SYNE1: variants seen among roughly 807,000 people sequenced by gnomAD.
SYNE1 encodes nesprin-1.
A neutral mutation model predicts 1,111.0 loss-of-function variants in SYNE1; 616 were observed. The observed-to-expected ratio is 0.55, with a 90% CI of 0.52 to 0.59. The LOEUF is 0.59. Among genes scored for constraint, SYNE1 ranks in the 20% least tolerant of loss-of-function variants. The probability of loss-of-function intolerance (pLI) is 0.00; values close to 1 mark genes in which losing one functional copy is unlikely to be tolerated. For missense variants in SYNE1, 10,006 were observed against 10,417.0 expected (o/e 0.96, Z 1.72); for synonymous variants, 3,855 against 3,825.8 (o/e 1.01, Z -0.28).
At chr6:152,472,218 T>A (rs2098810086) in intron 15 of SYNE1, 83 bp downstream of exon 15, 1 of 1,257,372 alleles carries the variant, frequency 8.0e-7, no homozygotes, top group African/African-American at 1.5e-5. Flanking sequence ...TAAAAAAAAA[T>A]CATGAAAAAA....
chr6:152,249,178 C>T lies in SYNE1; in HGVS notation c.19555G>A (p.Val6519Ile), dbSNP rs563568189. 38 of 1,612,524 alleles carry T rather than the reference C, an allele frequency of 2.4e-5. 1 individual carries two copies. Among genetic ancestry groups the T allele is most frequent in the Middle Eastern group, 1.7e-4 (1 of 6,060 alleles). ...QKLANVFEQPVAEQIEAIQQA... is the reference protein window; with the variant it reads ...QKLANVFEQPIAEQIEAIQQA... ...ATAAATACCTCTATTTGTTCTGCTA[C>T]GGGCTGTTCAAACACATTTGCCAGT... Residue 6519 changes from valine (V) to isoleucine (I), a missense_variant, in exon 105 of 146, where the codon GTA (valine) becomes ATA (isoleucine). Coordinates refer to ENST00000367255, the MANE Select transcript of SYNE1 (RefSeq NM_182961.4).
chr6:152,547,399 C>T (rs774461405), intron 3 of SYNE1, among the ~76,000 whole-genome samples: 30 of 152,304 alleles, frequency 2.0e-4, no homozygotes, highest in East Asian at 3.9e-4. Flanking sequence ...GAGAAAGAGC[C>T]GTACATATTT....
At chr6:152,262,822 G>C (rs1308018978) in intron 100 of SYNE1, among the ~76,000 whole-genome samples, 1 of 149,188 alleles carries the variant, frequency 6.7e-6, no homozygotes, top group African/African-American at 2.5e-5. Flanking sequence ...GGAGAGATAG[G>C]ACAGGACCTG....
rs538909693 is a variant in SYNE1, at chr6:152,586,840, C to A, written c.67+41425G>T. On this transcript the variant is annotated intron_variant, in intron 3 of 145. Coordinates refer to ENST00000367255, the MANE Select transcript of SYNE1 (RefSeq NM_182961.4). ...GAATTATCCCTACATTCCTAGAAGA[C>A]TCCCCCATTTGGTAACACATTACTG... Among the ~76,000 whole-genome samples, 4 of 152,230 alleles carry A rather than the reference C, an allele frequency of 2.6e-5. No homozygotes were observed. In the South Asian group the frequency reaches 8.3e-4, roughly 32 times the overall value.
Position 152,396,779 on chromosome 6 carries a change from C to G in SYNE1, c.7552G>C (p.Gly2518Arg). 1.9e-6 allele frequency: 3 copies of G among 1,614,044 alleles called. No individual in the cohort carries two copies. The highest frequency in any genetic ancestry group is 8.5e-7 in the Non-Finnish European group (1 of 1,179,980). Residue 2518 changes from glycine to arginine, a missense_variant, in exon 50 of 146, where the codon GGA (glycine) becomes CGA (arginine). Physicochemically the swap from Gly to Arg is moderately radical, Grantham distance 125. Transcript: ENST00000367255. ...ATGTTTGTTAAACTAACCTACCTTC[C>G]AAGTTCTGAAGCACAGTCTTGAAGA... is the stretch of plus-strand genomic sequence containing the variant. ...QALQDCASEL[G>R]SFEDQHRKLN... is the part of the protein sequence containing the mutation.
intron 3 of SYNE1, among the ~76,000 whole-genome samples, chr6:152,582,769 T>C (rs1351830644): frequency 1.3e-5 from 2 of 152,076 alleles, no homozygotes; most frequent in East Asian, 3.9e-4. Context: ...TCAGTGTCTA[T>C]TACTTCCATC....
intron 93 of SYNE1, among the ~76,000 whole-genome samples, chr6:152,297,924 T>A (rs2094967694): frequency 6.6e-6 from 1 of 152,160 alleles, no homozygotes. Context: ...AATTTCTATT[T>A]ATTTGAGGTA....
At chr6:152,143,903 T>A (rs1378398542) in intron 137 of SYNE1, 138 bp from the exon 138 acceptor site, 1 of 1,243,540 alleles carries the variant, frequency 8.0e-7, no homozygotes. Context: ...ACAAAGCAAA[T>A]TTAGTACCAT....
At chr6:152,253,907 C>T (rs1377744163) in intron 104 of SYNE1, among the ~76,000 whole-genome samples, 1 of 123,960 alleles carries the variant, frequency 8.1e-6, no homozygotes, top group Non-Finnish European at 1.6e-5. Flanking sequence ...TGACATGTCT[C>T]TATTTTATAA....
At chr6:152,510,404 A>G in intron 7 of SYNE1, 33 bp from the exon 8 acceptor site, 12 of 1,609,056 alleles carry the variant, frequency 7.5e-6, no homozygotes, top group Non-Finnish European at 1.0e-5. Flanking sequence ...CAAAAATATA[A>G]GCATTATCTT....
At chr6:152,521,533 A>C (rs1219236805) in intron 5 of SYNE1, among the ~76,000 whole-genome samples, 3 of 152,202 alleles carry the variant, frequency 2.0e-5, no homozygotes, top group Non-Finnish European at 2.9e-5. Flanking sequence ...TACCTTAAAC[A>C]TACTTTTTTC....
intron 3 of SYNE1, among the ~76,000 whole-genome samples, chr6:152,556,916 C>T (rs1408520606): frequency 6.6e-6 from 1 of 152,154 alleles, no homozygotes; most frequent in Non-Finnish European, 1.5e-5. Flanking sequence ...AGAAATATGA[C>T]ACTACCAAAG....
At chr6:152,538,777 C>A (rs1237768661) in intron 4 of SYNE1, among the ~76,000 whole-genome samples, 1 of 152,084 alleles carries the variant, frequency 6.6e-6, no homozygotes, top group Non-Finnish European at 1.5e-5. Context: ...GATTGTGGGG[C>A]AACTACTGGG....
At position 152,233,933 on chromosome 6, in the gene SYNE1, A is replaced by G; in HGVS notation, c.20560T>C (p.Ser6854Pro). ...EFSKEVDAQS[S>P]LKSSVLSTGN... ...GTACTCAGAACAGATGATTTCAGGG[A>G]AGATTGGGCATCCACTTCTTTAGAA... Residue 6854 changes from serine (S) to proline (P), a missense_variant, in exon 112 of 146, where the codon TCC (serine) becomes CCC (proline). By Grantham distance (74) the Ser-to-Pro change is moderately conservative. Coordinates refer to ENST00000367255, the MANE Select transcript of SYNE1 (RefSeq NM_182961.4). The G allele has an allele frequency of 6.2e-7, 1 of 1,614,180 alleles. No homozygotes were observed. Among genetic ancestry groups the G allele is most frequent in the Non-Finnish European group, 8.5e-7 (1 of 1,180,038 alleles).
At chr6:152,621,264 A>T (rs942551950) in intron 3 of SYNE1, among the ~76,000 whole-genome samples, 15 of 152,222 alleles carry the variant, frequency 9.9e-5, no homozygotes, top group Non-Finnish European at 1.8e-4. Flanking sequence ...CCAGCCAAAG[A>T]AGTTGGGACT....
At chr6:152,631,093 T>C (rs1290353685) in intron 2 of SYNE1, among the ~76,000 whole-genome samples, 1 of 152,108 alleles carries the variant, frequency 6.6e-6, no homozygotes, top group African/African-American at 2.4e-5. Flanking sequence ...ATAGAAAAGA[T>C]AATACAAAAA....
intron 90 of SYNE1, 86 bp downstream of exon 90, chr6:152,309,749 T>C (rs1233379909): frequency 6.4e-7 from 1 of 1,563,652 alleles, no homozygotes; most frequent in African/African-American, 1.3e-5. Context: ...TGGATGTGTT[T>C]TGATGGCTGA....
At chr6:152,463,575 A>T in intron 18 of SYNE1, 58 bp from the exon 19 acceptor site, 1 of 1,408,326 alleles carries the variant, frequency 7.1e-7, no homozygotes, top group Admixed American at 1.8e-5. Context: ...AGTGACTGAT[A>T]TGAAAGTGAC....
intron 2 of SYNE1, among the ~76,000 whole-genome samples, chr6:152,633,229 T>C (rs1306139981): frequency 1.3e-5 from 2 of 152,234 alleles, no homozygotes; most frequent in Non-Finnish European, 2.9e-5. Context: ...TGGACATTCA[T>C]GGGCTGTATA....
Sources: gnomAD v4.1 joint callset for allele counts (sites outside exome capture counted in the v4.1 genomes callset) on GRCh38, gnomAD v4.1.1 for gene constraint, MANE v1.5 for transcripts, NCBI Gene and HGNC (gene_info 2026-07-23, HGNC 2026-07-21) for gene names.